The following CWF19L2 variants were observed in gnomAD, a reference collection of about 807,000 sequenced individuals.
The protein encoded by CWF19L2 is CWF19 like cell cycle control factor 2.
CWF19L2 carries 98 observed loss-of-function variants against 111.7 expected under a neutral mutation model. That is an observed-to-expected ratio of 0.88 (90% CI 0.75 to 1.04). The LOEUF (loss-of-function observed/expected upper bound fraction) is 1.04. Ranked by LOEUF, CWF19L2 falls within the 50% of genes least tolerant of loss-of-function variation. The pLI is 0.00. For missense variants in CWF19L2, 1,101 were observed against 1,051.4 expected (o/e 1.05, Z -0.65); for synonymous variants, 351 against 342.9 (o/e 1.02, Z -0.26).
chr11:107,442,200 A>G (rs1565286749), intron 4 of CWF19L2, among the ~76,000 whole-genome samples: 1 of 152,206 alleles, frequency 6.6e-6, no homozygotes, highest in Non-Finnish European at 1.5e-5. Flanking sequence ...GAACGAGAAT[A>G]GAGAGGAACA....
intron 12 of CWF19L2, among the ~76,000 whole-genome samples, chr11:107,386,643 G>A (rs1860770422): frequency 6.6e-6 from 1 of 152,116 alleles, no homozygotes; most frequent in Non-Finnish European, 1.5e-5. Context: ...TTTTCCTTCT[G>A]CCTCACTGGC....
chr11:107,359,784 A>G (rs1186531827), intron 12 of CWF19L2, among the ~76,000 whole-genome samples: 1 of 152,090 alleles, frequency 6.6e-6, no homozygotes, highest in African/African-American at 2.4e-5. Context: ...AAAAGAAGGA[A>G]TACTTCCACC....
chr11:107,341,652 A>G (rs888281562), intron 14 of CWF19L2, among the ~76,000 whole-genome samples: 13 of 152,200 alleles, frequency 8.5e-5, no homozygotes, highest in African/African-American at 3.1e-4. Flanking sequence ...TCCTCAAGAG[A>G]TTATATAAAA....
In CWF19L2 at chr11:107,326,732, T is replaced by A; in HGVS notation, c.*178A>T. The A allele has an allele frequency of 2.1e-6, 1 of 469,442 alleles. No homozygotes were observed. The highest frequency in any genetic ancestry group is 3.7e-6 in the Non-Finnish European group (1 of 267,626). The allele number at this position is 469,442 out of a possible 1,614,324, so 29.1% of individuals were successfully genotyped here. ...TGGTGACTAAAATGAAGTCCATAGA[T>A]AGGAGCAGGTGAAGAAGAAAACAAC... On this transcript the variant is annotated 3_prime_UTR_variant, in exon 18 of 18. Coordinates refer to ENST00000282251, the MANE Select transcript of CWF19L2 (RefSeq NM_152434.3).
intron 13 of CWF19L2, among the ~76,000 whole-genome samples, chr11:107,349,583 C>G (rs943455188): frequency 6.6e-6 from 1 of 150,738 alleles, no homozygotes; most frequent in Admixed American, 6.6e-5. Flanking sequence ...CATGTATTAC[C>G]TAAAAACTGG....
At chr11:107,345,584 AT>A in intron 14 of CWF19L2, 1 of 402,504 alleles carries the variant, frequency 2.5e-6, no homozygotes, top group Non-Finnish European at 4.9e-6. Flanking sequence ...ATGGTTCTGT[AT>A]TATAAAATAT....
At chr11:107,382,378 C>T (rs546943148) in intron 12 of CWF19L2, among the ~76,000 whole-genome samples, 27 of 152,300 alleles carry the variant, frequency 1.8e-4, no homozygotes, top group Admixed American at 5.2e-4. Context: ...TTTTGCAACT[C>T]ATTAGCTGTG....
At chr11:107,397,368 C>CA (rs1160904925) in intron 10 of CWF19L2, among the ~76,000 whole-genome samples, 1 of 152,122 alleles carries the variant, frequency 6.6e-6, no homozygotes, top group Non-Finnish European at 1.5e-5. Context: ...TGCATGGGAG[C>CA]TGGGTGAGGC....
At chr11:107,446,368 C>T (rs1166269762) in intron 3 of CWF19L2, among the ~76,000 whole-genome samples, 6 of 152,206 alleles carry the variant, frequency 3.9e-5, no homozygotes, top group African/African-American at 7.2e-5. Flanking sequence ...TCTCTGCTCT[C>T]GCAATTCCTT....
intron 16 of CWF19L2, 122 bp downstream of exon 16, chr11:107,334,759 C>T (rs937345758): frequency 5.7e-6 from 4 of 702,048 alleles, no homozygotes; most frequent in Admixed American, 2.6e-5. Flanking sequence ...CTTCATTTGT[C>T]GAACTAGTAA....
At chr11:107,412,240 C>T (rs1010786515) in intron 10 of CWF19L2, among the ~76,000 whole-genome samples, 5 of 152,164 alleles carry the variant, frequency 3.3e-5, no homozygotes, top group African/African-American at 9.7e-5. Flanking sequence ...AAGATACATG[C>T]CATAGAGAAT....
intron 6 of CWF19L2, among the ~76,000 whole-genome samples, chr11:107,436,843 C>CT (rs1244964434): frequency 6.6e-6 from 1 of 152,186 alleles, no homozygotes; most frequent in Non-Finnish European, 1.5e-5. Flanking sequence ...CCTGGCCACT[C>CT]TAAGCCTTGG....
chr11:107,429,823 A>AC, intron 7 of CWF19L2, among the ~76,000 whole-genome samples: 1 of 141,276 alleles, frequency 7.1e-6, no homozygotes, highest in East Asian at 2.0e-4. Context: ...AAAAAAAAAA[A>AC]CAGAATAGTT....
chr11:107,441,531 T>C lies in CWF19L2; in HGVS notation c.542A>G (p.Glu181Gly), dbSNP rs1190319082. Reference protein sequence around the residue: ...KAEKETMRKIEQEKNQALEQS... With the variant: ...KAEKETMRKIGQEKNQALEQS... ...TTCAAGCGCTTGGTTTTTCTCTTGC[T>C]CTATTTTCCTCATAGTTTCCTTTTC... The change falls in exon 5 of 18, where the codon GAG becomes GGG. Residue 181 changes from glutamate to glycine, a missense_variant. Glu to Gly is a moderately conservative substitution (Grantham distance 98). Coordinates refer to ENST00000282251, the MANE Select transcript of CWF19L2 (RefSeq NM_152434.3). The C allele has an allele frequency of 3.2e-6, 5 of 1,547,084 alleles. No homozygotes were observed. The East Asian group carries it at 1.2e-4, about 37-fold the overall frequency.
chr11:107,348,853 G>A (rs1860117371), intron 14 of CWF19L2, 84 bp downstream of exon 14: 1 of 682,760 alleles, frequency 1.5e-6, no homozygotes, highest in Admixed American at 2.6e-5. Context: ...ATTAAATGAA[G>A]TTATACCTAT....
intron 10 of CWF19L2, among the ~76,000 whole-genome samples, chr11:107,402,873 G>GTGTGTATGTATGTATA (rs1247886311): frequency 2.1e-5 from 2 of 94,468 alleles, no homozygotes; most frequent in East Asian, 3.0e-4. Context: ...ACTGTGGTGT[G>GTGTGTATGTATGTATA]TATATATATA....
intron 10 of CWF19L2, among the ~76,000 whole-genome samples, chr11:107,393,588 G>A (rs981303908): frequency 1.3e-5 from 2 of 152,178 alleles, no homozygotes; most frequent in Non-Finnish European, 2.9e-5. Context: ...GCACTTGTAT[G>A]TTTATCCCAG....
intron 2 of CWF19L2, among the ~76,000 whole-genome samples, chr11:107,454,974 A>G (rs1460344944): frequency 6.6e-6 from 1 of 152,194 alleles, no homozygotes; most frequent in African/African-American, 2.4e-5. Flanking sequence ...CATAAAAAAT[A>G]TAACAAGATA....
intron 3 of CWF19L2, among the ~76,000 whole-genome samples, chr11:107,453,881 T>C (rs1401912234): frequency 6.6e-6 from 1 of 151,862 alleles, no homozygotes; most frequent in Non-Finnish European, 1.5e-5. Flanking sequence ...CTGCCAGTAC[T>C]ACCTGTGGGT....
Sources: gnomAD v4.1 joint callset for allele counts (sites outside exome capture counted in the v4.1 genomes callset) on GRCh38, gnomAD v4.1.1 for gene constraint, MANE v1.5 for transcripts, NCBI Gene and HGNC (gene_info 2026-07-23, HGNC 2026-07-21) for gene names.